TXK: variants seen among roughly 807,000 people sequenced by gnomAD.
TXK encodes the protein TXK tyrosine kinase, also known as tyrosine-protein kinase TXK.
A neutral mutation model predicts 81.0 loss-of-function variants in TXK; 60 were observed. The observed-to-expected ratio is 0.74, with a 90% CI of 0.60 to 0.92. The LOEUF (loss-of-function observed/expected upper bound fraction) is 0.92. TXK is among the 40% of genes least tolerant of loss of function. The pLI is 0.00. For missense variants in TXK, 581 were observed against 638.3 expected, an observed-to-expected ratio of 0.91 and a Z score of 0.97; for synonymous variants, 203 against 210.7, an observed-to-expected ratio of 0.96 and a Z score of 0.32.
At chr4:48,110,442 C>CT (rs61243590) in intron 5 of TXK, 96 bp downstream of exon 5, 42 of 812,980 alleles carry the variant, frequency 5.2e-5, no homozygotes, top group Admixed American at 3.2e-4. Flanking sequence ...AAATGTGTTA[C>CT]TTTTTTTTCC....
intron 12 of TXK, among the ~76,000 whole-genome samples, chr4:48,075,684 G>GA (rs1035436422): frequency 1.3e-5 from 2 of 152,022 alleles, no homozygotes; most frequent in African/African-American, 4.8e-5. Flanking sequence ...GAATCTTGCA[G>GA]AAAAAATTCA....
At chr4:48,097,567 AC>A in intron 6 of TXK, among the ~76,000 whole-genome samples, 1 of 150,140 alleles carries the variant, frequency 6.7e-6, no homozygotes, top group East Asian at 2.0e-4. Flanking sequence ...CTCCTGAGTA[AC>A]TCCTGACTAC....
chr4:48,081,615 C>T (rs1364915312), intron 10 of TXK, among the ~76,000 whole-genome samples: 1 of 152,076 alleles, frequency 6.6e-6, no homozygotes, highest in Non-Finnish European at 1.5e-5. Flanking sequence ...CTTTTCTAAT[C>T]ATTCTCTTTC....
At chr4:48,076,095 T>C (rs1198541889) in intron 12 of TXK, among the ~76,000 whole-genome samples, 4 of 152,248 alleles carry the variant, frequency 2.6e-5, no homozygotes, top group African/African-American at 9.6e-5. Flanking sequence ...TAAACATATG[T>C]ATATCAGGAA....
intron 6 of TXK, among the ~76,000 whole-genome samples, chr4:48,097,701 G>T (rs1471551418): frequency 2.0e-5 from 3 of 150,512 alleles, no homozygotes; most frequent in Non-Finnish European, 4.4e-5. Context: ...CTACCAAAGT[G>T]CTGGGATTAC....
In TXK at chr4:48,094,118, G is replaced by C. The variant is rs1482574889; in HGVS notation, c.668C>G (p.Ser223Ter). The C allele has an allele frequency of 3.7e-6, 6 of 1,613,696 alleles. No individual in the cohort carries two copies. Among genetic ancestry groups the C allele is most frequent in the African/African-American group, 1.3e-5 (1 of 74,918 alleles). ...GTGATACCAGATTAACTCAGGGATT[G>C]ATTGAAAGGCGTGTCTTTCAGCCAC... ...WYVAERHAFQSIPELIWYHQH... is the reference protein window; with the variant it reads ...WYVAERHAFQ The change falls in exon 8 of 15, where the codon TCA becomes TGA. Residue 223 changes from serine to a stop codon, truncating the protein, a stop_gained. Coordinates refer to ENST00000264316, the MANE Select transcript of TXK (RefSeq NM_003328.3). LOFTEE classifies it high-confidence loss of function.
At chr4:48,076,768 A>T (rs1030532172) in intron 11 of TXK, among the ~76,000 whole-genome samples, 1 of 152,098 alleles carries the variant, frequency 6.6e-6, no homozygotes, top group African/African-American at 2.4e-5. Flanking sequence ...AGCTGGTACT[A>T]CAGGCACACA....
intron 1 of TXK, among the ~76,000 whole-genome samples, chr4:48,127,682 C>T (rs1036458057): frequency 6.6e-6 from 1 of 152,220 alleles, no homozygotes; most frequent in African/African-American, 2.4e-5. Flanking sequence ...TCATCTACTT[C>T]TCATTCCTCA....
chr4:48,092,471 A>T (rs1717816223), intron 8 of TXK, among the ~76,000 whole-genome samples: 2 of 152,198 alleles, frequency 1.3e-5, no homozygotes, highest in Admixed American at 1.3e-4. Context: ...GCCACTGGTC[A>T]AATATGGAGT....
intron 5 of TXK, among the ~76,000 whole-genome samples, chr4:48,108,136 G>A (rs1031798431): frequency 6.6e-6 from 1 of 152,058 alleles, no homozygotes; most frequent in Non-Finnish European, 1.5e-5. Context: ...TTTAATGTCT[G>A]TTTTTCCCCA....
intron 11 of TXK, among the ~76,000 whole-genome samples, chr4:48,076,710 C>A (rs1717083144): frequency 1.3e-5 from 2 of 152,158 alleles, no homozygotes; most frequent in African/African-American, 4.8e-5. Context: ...CTCACTGCAA[C>A]CTTCCCCTCC....
chr4:48,117,227 C>T (rs1047454552), intron 1 of TXK, among the ~76,000 whole-genome samples: 1 of 152,128 alleles, frequency 6.6e-6, no homozygotes, highest in Admixed American at 6.5e-5. Context: ...CTTCCATTAT[C>T]CATTCCATTT....
At chr4:48,119,720 C>T (rs573066001) in intron 1 of TXK, among the ~76,000 whole-genome samples, 22 of 152,186 alleles carry the variant, frequency 1.4e-4, no homozygotes, top group African/African-American at 5.3e-4. Flanking sequence ...CTGCCATTTT[C>T]ATCTGCTGTG....
intron 8 of TXK, 126 bp downstream of exon 8, chr4:48,093,951 T>A: frequency 7.7e-7 from 1 of 1,295,838 alleles, no homozygotes; most frequent in East Asian, 2.3e-5. Context: ...AAAGATAAGT[T>A]GTACTTCAAG....
At chr4:48,089,987 AAT>A (rs1491048990) in intron 8 of TXK, among the ~76,000 whole-genome samples, 163 bp from the exon 9 acceptor site, 3 of 150,192 alleles carry the variant, frequency 2.0e-5, no homozygotes, top group Admixed American at 6.6e-5. Context: ...TCCAAAAAAA[AAT>A]ATATACTCAT....
chr4:48,124,220 G>A (rs933333120), intron 1 of TXK, among the ~76,000 whole-genome samples: 1 of 151,730 alleles, frequency 6.6e-6, no homozygotes, highest in Non-Finnish European at 1.5e-5. Context: ...GAATATTTAG[G>A]GCATCTCTGG....
At chr4:48,119,654 C>T (rs1718896280) in intron 1 of TXK, among the ~76,000 whole-genome samples, 1 of 151,956 alleles carries the variant, frequency 6.6e-6, no homozygotes, top group Non-Finnish European at 1.5e-5. Context: ...ATTACTAATT[C>T]CCAAGAATCT....
intron 2 of TXK, among the ~76,000 whole-genome samples, chr4:48,113,599 T>C (rs1453880674): frequency 1.3e-5 from 2 of 152,226 alleles, no homozygotes; most frequent in Non-Finnish European, 2.9e-5. Flanking sequence ...CATAAAGTTA[T>C]AATCATTGTA....
rs529411394 is a variant in TXK, at chr4:48,069,285, G to C, written c.1516-1580C>G. ...CCACTGCACTGTAGTCTGGGAAACA[G>C]AGCAAGACTCTGTCTCAAAAATAAA... On this transcript the variant is annotated intron_variant, in intron 14 of 14. Transcript: ENST00000264316. 2.0e-5 allele frequency among the ~76,000 whole-genome samples: 3 copies of C among 151,956 alleles called. No individual in the cohort carries two copies. In the South Asian group the frequency reaches 6.3e-4, roughly 32 times the overall value.
Sources: gnomAD v4.1 joint callset for allele counts (sites outside exome capture counted in the v4.1 genomes callset) on GRCh38, gnomAD v4.1.1 for gene constraint, MANE v1.5 for transcripts, NCBI Gene and HGNC (gene_info 2026-07-23, HGNC 2026-07-21) for gene names.